Variants in NXPE2 observed in about 807,000 individuals in gnomAD.
NXPE2 encodes the protein neurexophilin and PC-esterase domain family member 2.
NXPE2 carries 34 observed loss-of-function variants against 34.4 expected under a neutral mutation model. That is an observed-to-expected ratio of 0.99 (90% confidence interval 0.75 to 1.31). NXPE2 has a LOEUF of 1.31. Among genes scored for constraint, NXPE2 ranks in the 40% most tolerant of loss-of-function variants. NXPE2 has a pLI of 0.00. For missense variants in NXPE2, 649 were observed against 672.5 expected (o/e 0.97, Z 0.39); for synonymous variants, 235 against 231.3 (o/e 1.02, Z -0.15).
intron 1 of NXPE2, 28 bp from the exon 2 acceptor site, chr11:114,679,629 T>C (rs1950915463): frequency 2.9e-6 from 4 of 1,368,912 alleles, no homozygotes; most frequent in Non-Finnish European, 4.1e-6. Flanking sequence ...TGATTTAATG[T>C]GATTATTTCT....
chr11:114,770,883 A>G, the NXPE2 span, among the ~76,000 whole-genome samples: 2 of 152,200 alleles, frequency 1.3e-5, no homozygotes. Flanking sequence ...TGTAGGATCA[A>G]ATTGTAACTC....
At chr11:114,586,163 C>G in the NXPE2 span, among the ~76,000 whole-genome samples, 4 of 152,324 alleles carry the variant, frequency 2.6e-5, no homozygotes, top group South Asian at 8.3e-4. Context: ...CTGCACTTCA[C>G]TGTGGACCAA....
the NXPE2 span, among the ~76,000 whole-genome samples, chr11:114,649,214 T>C: frequency 1.3e-5 from 2 of 152,130 alleles, no homozygotes; most frequent in Non-Finnish European, 2.9e-5. Context: ...GATTGGGTCA[T>C]TTTAGTTTTC....
At chr11:114,805,349 T>C in the NXPE2 span, among the ~76,000 whole-genome samples, 3 of 152,112 alleles carry the variant, frequency 2.0e-5, no homozygotes, top group African/African-American at 7.2e-5. Flanking sequence ...TGCAGGACAG[T>C]GGGTGCAGCG....
the NXPE2 span, among the ~76,000 whole-genome samples, chr11:114,802,982 C>G: frequency 2.6e-5 from 4 of 152,074 alleles, no homozygotes; most frequent in Non-Finnish European, 4.4e-5. Flanking sequence ...ACAGAGAGGC[C>G]GTGGTGAAGC....
At chr11:114,501,972 G>A in the NXPE2 span, among the ~76,000 whole-genome samples, 43 of 152,262 alleles carry the variant, frequency 2.8e-4, no homozygotes, top group African/African-American at 9.9e-4. Flanking sequence ...CACATTATTT[G>A]TCTAAGACAG....
the NXPE2 span, among the ~76,000 whole-genome samples, chr11:114,507,924 T>C: frequency 2.7e-4 from 41 of 152,092 alleles, no homozygotes; most frequent in Non-Finnish European, 5.9e-5. Context: ...AATAAAGGCA[T>C]CCAAATAGAA....
chr11:114,567,904 G>A, the NXPE2 span, among the ~76,000 whole-genome samples: 59 of 151,982 alleles, frequency 3.9e-4, 1 homozygote, highest in East Asian at 0.011. Context: ...CAGCTCCAAG[G>A]GCTATATGTC....
the NXPE2 span, among the ~76,000 whole-genome samples, chr11:114,602,070 A>ATATTCTATATT: frequency 2.1e-5 from 2 of 95,970 alleles, no homozygotes; most frequent in East Asian, 3.2e-4. Flanking sequence ...ATTATAATAT[A>ATATTCTATATT]TATTCTATAT....
the NXPE2 span, among the ~76,000 whole-genome samples, chr11:114,719,575 T>G: frequency 6.6e-6 from 1 of 152,230 alleles, no homozygotes; most frequent in Admixed American, 6.5e-5. Context: ...ATCCATTGAA[T>G]GCATATGGGC....
chr11:114,488,328 G>A, the NXPE2 span, among the ~76,000 whole-genome samples: 2 of 152,030 alleles, frequency 1.3e-5, no homozygotes, highest in Admixed American at 1.3e-4. Flanking sequence ...CTTTGCATTT[G>A]TGTAGTTTTG....
At chr11:114,808,406 CTGG>C in the NXPE2 span, among the ~76,000 whole-genome samples, 2 of 150,998 alleles carry the variant, frequency 1.3e-5, no homozygotes, top group African/African-American at 4.9e-5. Flanking sequence ...AATCCAGGAG[CTGG>C]TTTTTTGAAA....
At chr11:114,544,397 C>T in the NXPE2 span, among the ~76,000 whole-genome samples, 1 of 152,098 alleles carries the variant, frequency 6.6e-6, no homozygotes, top group Non-Finnish European at 1.5e-5. Flanking sequence ...ATCAAGGGAA[C>T]ATAATAGAAA....
At chr11:114,569,743 C>T in the NXPE2 span, among the ~76,000 whole-genome samples, 2 of 152,134 alleles carry the variant, frequency 1.3e-5, no homozygotes, top group Non-Finnish European at 2.9e-5. Context: ...CCTCAGCCTC[C>T]AAATGAAGAA....
At chr11:114,700,839 A>G (rs1951352793) in intron 3 of NXPE2, among the ~76,000 whole-genome samples, 1 of 152,132 alleles carries the variant, frequency 6.6e-6, no homozygotes, top group African/African-American at 2.4e-5. Context: ...TTTATGGATC[A>G]TTTAAAGAGA....
chr11:114,541,417 C>G, the NXPE2 span, among the ~76,000 whole-genome samples: 1 of 152,048 alleles, frequency 6.6e-6, no homozygotes, highest in Non-Finnish European at 1.5e-5. Context: ...GAAATCTCAG[C>G]AAGGATGGAG....
At chr11:114,472,464 C>A in the NXPE2 span, among the ~76,000 whole-genome samples, 2 of 152,182 alleles carry the variant, frequency 1.3e-5, no homozygotes, top group African/African-American at 4.8e-5. Flanking sequence ...CCATTCAAAG[C>A]CATCCTGGGT....
At chr11:114,793,858 C>G in the NXPE2 span, among the ~76,000 whole-genome samples, 1 of 152,188 alleles carries the variant, frequency 6.6e-6, no homozygotes, top group East Asian at 1.9e-4. Flanking sequence ...CTTCACAGAC[C>G]CAATATTTCT....
In NXPE2 at chr11:114,691,002, T is replaced by C. The variant is rs143632137; in HGVS notation, c.133-7043T>C. On this transcript the variant is annotated intron_variant, in intron 2 of 5. Coordinates refer to ENST00000389586, the MANE Select transcript of NXPE2 (RefSeq NM_182495.6). ...GATCATTTTTTCTGGCGCCTTTGTG[T>C]TGAATTTCAAATTTCTTTTGAATCT... 3.0e-4 allele frequency among the ~76,000 whole-genome samples: 46 copies of C among 152,280 alleles called. 1 individual carries two copies. The East Asian group carries it at 8.9e-3, about 29-fold the overall frequency.
Sources: allele counts gnomAD v4.1 joint callset (sites outside exome capture counted in the v4.1 genomes callset), GRCh38; gene constraint gnomAD v4.1.1; transcripts MANE v1.5; gene names NCBI Gene and HGNC (gene_info 2026-07-23, HGNC 2026-07-21).